PCDHA7: variants seen among roughly 807,000 people sequenced by gnomAD.
PCDHA7 encodes the protein protocadherin alpha 7.
Under a neutral mutation model 57.2 loss-of-function variants are expected in PCDHA7, and 37 were observed. That is an observed-to-expected ratio of 0.65 (90% CI 0.50 to 0.85). PCDHA7 has a LOEUF of 0.85. Ranked by LOEUF, PCDHA7 falls within the 40% of genes least tolerant of loss-of-function variation. The probability of loss-of-function intolerance (pLI) is 0.00; values close to 1 mark genes in which losing one functional copy is unlikely to be tolerated. For missense variants in PCDHA7, 1,188 were observed against 1,241.8 expected (o/e 0.96, Z 0.65); for synonymous variants, 553 against 558.8 (o/e 0.99, Z 0.15).
rs192086826 is a variant in PCDHA7, at chr5:140,981,520, G to C, written c.2415-955G>C. ...ACCTGGGAGGCAGAGGTTGCAGTGA[G>C]CTGAGATCGTGCCACTGTACTCCAG... On this transcript the variant is annotated intron_variant, in intron 2 of 3. Coordinates refer to ENST00000525929, the MANE Select transcript of PCDHA7 (RefSeq NM_018910.3). Among the ~76,000 whole-genome samples the C allele has an allele frequency of 3.3e-5, 5 of 152,342 alleles. No homozygotes were observed. The East Asian group carries it at 9.6e-4, about 29-fold the overall frequency.
intron 1 of PCDHA7, among the ~76,000 whole-genome samples, chr5:140,943,840 G>T (rs528235230): frequency 1.4e-4 from 21 of 152,316 alleles, no homozygotes; most frequent in Non-Finnish European, 2.8e-4. Context: ...GAAGTTGTAA[G>T]ATGTCACAGA....
chr5:141,010,374 C>A lies in PCDHA7; in HGVS notation c.*437C>A. 2 of 1,459,768 alleles carry A rather than the reference C, an allele frequency of 1.4e-6. No homozygotes were observed. Among genetic ancestry groups the A allele is most frequent in the South Asian group, 1.4e-5 (1 of 73,044 alleles). 90.4% of individuals were successfully genotyped at this position (1,459,768 alleles called of 1,614,324 possible). On this transcript the variant is annotated 3_prime_UTR_variant, in exon 4 of 4. Coordinates refer to ENST00000525929, the MANE Select transcript of PCDHA7 (RefSeq NM_018910.3). ...TGTGGCTACCGCGGGTATGCGAGTG[C>A]CAGATATTGGCTGAGACGAGCCAGC...
chr5:140,908,490 G>T (rs149646315), intron 1 of PCDHA7, among the ~76,000 whole-genome samples: 3,582 of 152,250 alleles, frequency 0.024, 49 homozygotes, highest in Middle Eastern at 0.034. Flanking sequence ...GGCAGTTCAG[G>T]TTGCTTGGTG....
At chr5:140,895,949 T>C (rs1413820088) in intron 1 of PCDHA7, among the ~76,000 whole-genome samples, 1 of 152,256 alleles carries the variant, frequency 6.6e-6, no homozygotes, top group East Asian at 1.9e-4. Context: ...TAGCTGGGAT[T>C]ACAGGTGCCT....
At chr5:140,955,705 T>G (rs1554222053) in intron 1 of PCDHA7, among the ~76,000 whole-genome samples, 1 of 152,232 alleles carries the variant, frequency 6.6e-6, no homozygotes, top group East Asian at 1.9e-4. Context: ...CAATGGAAGT[T>G]TAATAGGAAT....
chr5:140,966,665 G>A, intron 1 of PCDHA7: 1 of 1,258,258 alleles, frequency 7.9e-7, no homozygotes. Flanking sequence ...GGGGGAGCAG[G>A]CGCAGGGTGG....
At chr5:140,856,044 A>G (rs782811970) in intron 1 of PCDHA7, 1 of 1,581,666 alleles carries the variant, frequency 6.3e-7, no homozygotes, top group South Asian at 1.1e-5. Context: ...CAAGAGAAGG[A>G]TAAGATGGTT....
intron 1 of PCDHA7, chr5:140,849,420 G>A: frequency 6.4e-7 from 1 of 1,572,968 alleles, no homozygotes; most frequent in Non-Finnish European, 8.7e-7. Context: ...AGGACATATG[G>A]ATTTTGAAGA....
chr5:140,923,644 C>G (rs1554201552), intron 1 of PCDHA7, among the ~76,000 whole-genome samples: 1 of 152,204 alleles, frequency 6.6e-6, no homozygotes. Flanking sequence ...AAATCTTTAG[C>G]CTCCCTTATC....
At chr5:140,843,557 G>C (rs1778973583) in intron 1 of PCDHA7, 1 of 1,595,984 alleles carries the variant, frequency 6.3e-7, no homozygotes. Flanking sequence ...CAGTGCGGTG[G>C]GGAGCTGGTC....
At chr5:140,876,760 G>A (rs2056562687) in intron 1 of PCDHA7, 4 of 1,614,234 alleles carry the variant, frequency 2.5e-6, no homozygotes, top group South Asian at 2.2e-5. Flanking sequence ...TGCGCGGGAT[G>A]GGGGCTCGCC....
chr5:140,848,569 T>C lies in PCDHA7; in HGVS notation c.2355+11831T>C, dbSNP rs1382719331. On this transcript the variant is annotated intron_variant, in intron 1 of 3. Coordinates refer to ENST00000525929, the MANE Select transcript of PCDHA7 (RefSeq NM_018910.3). ...TCGCTTCTGATCCTCGCAATGTGGG[T>C]GGTGGGGAGCGGCCAGCTCCACTAC... 5.0e-6 allele frequency: 8 copies of C among 1,595,090 alleles called. 2 individuals carry two copies. The highest frequency in any genetic ancestry group is 6.9e-6 in the Non-Finnish European group (8 of 1,165,390).
At position 140,916,615 on chromosome 5, in the gene PCDHA7, T is replaced by C. The variant is rs191815089; in HGVS notation, c.2356-62334T>C. Among the ~76,000 whole-genome samples the C allele has an allele frequency of 2.6e-5, 4 of 152,270 alleles. No homozygotes were observed. In the East Asian group the frequency reaches 5.8e-4, roughly 22 times the overall value. On this transcript the variant is annotated intron_variant, in intron 1 of 3. Transcript: ENST00000525929. ...GGGCCTGGAATGCGGGCCTCATGAC[T>C]CTACTCAATGCCCTATCCTACTGTG...
intron 1 of PCDHA7, among the ~76,000 whole-genome samples, chr5:140,844,193 C>T (rs2150369320): frequency 6.7e-6 from 1 of 149,658 alleles, no homozygotes; most frequent in Admixed American, 6.7e-5. Flanking sequence ...TCTTATCTGA[C>T]TTTTTAGTGT....
intron 1 of PCDHA7, among the ~76,000 whole-genome samples, chr5:140,899,542 G>A (rs2067394532): frequency 6.6e-6 from 1 of 152,156 alleles, no homozygotes; most frequent in Non-Finnish European, 1.5e-5. Flanking sequence ...ACTTGATCAT[G>A]GTGGATAAGC....
intron 3 of PCDHA7, among the ~76,000 whole-genome samples, chr5:140,994,938 C>T (rs2097656507): frequency 6.6e-6 from 1 of 152,232 alleles, no homozygotes; most frequent in East Asian, 1.9e-4. Context: ...CCTTAAACAT[C>T]CTGCTAAATA....
At chr5:140,975,056 A>G (rs1006106436) in intron 1 of PCDHA7, among the ~76,000 whole-genome samples, 3 of 152,154 alleles carry the variant, frequency 2.0e-5, no homozygotes, top group Non-Finnish European at 4.4e-5. Flanking sequence ...AGAATCTACT[A>G]TCGAGCTCAT....
chr5:140,893,778 A>G (rs1017243223), intron 1 of PCDHA7, among the ~76,000 whole-genome samples: 2 of 151,936 alleles, frequency 1.3e-5, no homozygotes, highest in South Asian at 4.2e-4. Flanking sequence ...CTTTTCTTTT[A>G]CCGTTTTTAG....
At position 140,900,403 on chromosome 5, in the gene PCDHA7, A is replaced by G. The variant is rs569079456; in HGVS notation, c.2355+63665A>G. ...AGCGATTCTCCTGCCTCAGCCTCCC[A>G]AGTAGCTGGGATTATAGGCACGTGC... On this transcript the variant is annotated intron_variant, in intron 1 of 3. Coordinates refer to ENST00000525929, the MANE Select transcript of PCDHA7 (RefSeq NM_018910.3). 2.4e-3 allele frequency among the ~76,000 whole-genome samples: 360 copies of G among 152,066 alleles called. 1 individual carries two copies. Among genetic ancestry groups the G allele is most frequent in the African/African-American group, 8.1e-3 (336 of 41,500 alleles).
Sources: allele counts gnomAD v4.1 joint callset (sites outside exome capture counted in the v4.1 genomes callset), GRCh38; gene constraint gnomAD v4.1.1; transcripts MANE v1.5; gene names NCBI Gene and HGNC (gene_info 2026-07-23, HGNC 2026-07-21).